The following ZNF142 variants were observed in gnomAD, a reference collection of about 807,000 sequenced individuals.
ZNF142 encodes the protein zinc finger protein 142 (clone pHZ-49).
A neutral mutation model predicts 132.1 loss-of-function variants in ZNF142; 96 were observed. The ratio of observed to expected loss-of-function variants is 0.73; its 90% CI spans 0.62 to 0.86. ZNF142 has a LOEUF of 0.86. Among genes scored for constraint, ZNF142 ranks in the 40% least tolerant of loss-of-function variants. The pLI, the probability that ZNF142 is intolerant of heterozygous loss-of-function variation, is 0.00. For synonymous variants in ZNF142, 842 were observed against 890.1 expected (o/e 0.95, Z 0.96); for missense variants, 2,163 against 2,336.2 (o/e 0.93, Z 1.53).
rs1044870829 is a variant in ZNF142 at position 218,634,300 on chromosome 2, TG to T, written c.*4038del. On this transcript the variant is annotated 3_prime_UTR_variant, in exon 11 of 11. Coordinates refer to ENST00000411696, the MANE Select transcript of ZNF142 (RefSeq NM_001379659.1). The surrounding 1 kb of genome is among the most constrained non-coding windows in gnomAD (Gnocchi z 4.0). ...ATAAGTTCTCTAGTGATGGTAGGGTTGGGGAATGCTCAAGAAAATTGCTAGG... is the reference window on the plus strand; with the variant it reads ...ATAAGTTCTCTAGTGATGGTAGGGTTGGGAATGCTCAAGAAAATTGCTAGG... 18 of 1,571,652 alleles carry T rather than the reference TG, an allele frequency of 1.1e-5. No homozygotes were observed. The African/African-American group carries it at 2.4e-4, about 21-fold the overall frequency.
At chr2:218,650,244 GAAT>G (rs927646525) in intron 6 of ZNF142, 112 bp downstream of exon 6, 19 of 1,301,918 alleles carry the variant, frequency 1.5e-5, no homozygotes, top group Non-Finnish European at 1.7e-5. Flanking sequence ...AGGTAGAACA[GAAT>G]AAAAGGATCC....
At chr2:218,640,551 C>T in intron 10 of ZNF142, 113 bp downstream of exon 10, 1 of 898,928 alleles carries the variant, frequency 1.1e-6, no homozygotes, top group Non-Finnish European at 1.8e-6. Flanking sequence ...CTGTCTACTC[C>T]CAATGTGAAA....
In ZNF142 at chr2:218,656,396, T is replaced by G; in HGVS notation, c.34A>C (p.Ser12Arg). ...TDPLLDSQPA[S>R]STGEMDGLCP... is the part of the protein sequence containing the mutation. ...AGTCCATCCATCTCCCCGGTGCTAC[T>G]GGCTGGCTGTGAGTCCAAAAGGGGG... Residue 12 changes from serine (S) to arginine (R), a missense_variant, in exon 4 of 11, where the codon AGT (serine) becomes CGT (arginine). This residue lies in a region of ZNF142 where 195 missense variants were observed against 172.4 expected (regional missense o/e 1.13). Coordinates refer to ENST00000411696, the MANE Select transcript of ZNF142 (RefSeq NM_001379659.1). 3 of 1,446,166 alleles carry G rather than the reference T, an allele frequency of 2.1e-6. No individual in the cohort carries two copies. Among genetic ancestry groups the G allele is most frequent in the Non-Finnish European group, 2.8e-6 (3 of 1,088,140 alleles). 89.6% of individuals were successfully genotyped at this position (1,446,166 alleles called of 1,614,324 possible). A position where few individuals can be genotyped will look rare whatever the true frequency, so the allele number is the denominator to read the frequency against.
rs3770215 is a variant in ZNF142, at chr2:218,648,401, G to A, written c.1873+234C>T. ...GACAAGGGCTTAAGAGCGAGGCACA[G>A]CACCACAGTGGTTAGAGCACAGGCT... is the stretch of plus-strand genomic sequence containing the variant. On this transcript the variant is annotated intron_variant, in intron 7 of 10. Transcript: ENST00000411696. Among the ~76,000 whole-genome samples the A allele has an allele frequency of 2.0e-3, 306 of 152,358 alleles. 5 individuals carry two copies. In the East Asian group the frequency reaches 0.043, roughly 21 times the overall value.
chr2:218,636,711 T>C lies in ZNF142; in HGVS notation c.*1628A>G. 1 of 927,972 alleles carries C rather than the reference T, an allele frequency of 1.1e-6. No homozygotes were observed. The highest frequency in any genetic ancestry group is 2.4e-5 in the Admixed American group (1 of 42,256). 57.5% of individuals were successfully genotyped at this position (927,972 alleles called of 1,614,324 possible). Reference sequence around the variant, plus strand: ...GTGCATTCCTAGGCACAAAATTACCTCATTCTTCCTAACAAGCAATCTGGG... The same window carrying C: ...GTGCATTCCTAGGCACAAAATTACCCCATTCTTCCTAACAAGCAATCTGGG... On this transcript the variant is annotated 3_prime_UTR_variant, in exon 11 of 11. Transcript: ENST00000411696.
At chr2:218,645,921 C>T (rs1697689364) in intron 8 of ZNF142, among the ~76,000 whole-genome samples, 1 of 152,142 alleles carries the variant, frequency 6.6e-6, no homozygotes, top group Admixed American at 6.5e-5. Flanking sequence ...GCTACCATGC[C>T]CAGCTAATTT....
Position 218,634,347 on chromosome 2 carries a change from A to G in ZNF142, c.*3992T>C. ...CTAGGCTGAGAAATGCTATCAGTGGATATTACCAGCAGGTACCGTGCACCC... is the reference window on the plus strand; with the variant it reads ...CTAGGCTGAGAAATGCTATCAGTGGGTATTACCAGCAGGTACCGTGCACCC... On this transcript the variant is annotated 3_prime_UTR_variant, in exon 11 of 11. Transcript: ENST00000411696. The surrounding 1 kb of genome is among the most constrained non-coding windows in gnomAD (Gnocchi z 4.0). 1.9e-6 allele frequency: 3 copies of G among 1,573,160 alleles called. No individual in the cohort carries two copies. Among genetic ancestry groups the G allele is most frequent in the South Asian group, 1.2e-5 (1 of 85,246 alleles).
intron 8 of ZNF142, among the ~76,000 whole-genome samples, chr2:218,645,321 C>T (rs1437610717): frequency 6.6e-6 from 1 of 152,138 alleles, no homozygotes; most frequent in Non-Finnish European, 1.5e-5. Flanking sequence ...AGCTTCAGGG[C>T]CTGTGTTCTA....
chr2:218,636,799 C>G lies in ZNF142; in HGVS notation c.*1540G>C. 1 of 609,438 alleles carries G rather than the reference C, an allele frequency of 1.6e-6. No individual in the cohort carries two copies. The highest frequency in any genetic ancestry group is 1.6e-5 in the South Asian group (1 of 61,608). The allele number at this position is 609,438 out of a possible 1,614,324, so 37.8% of individuals were successfully genotyped here. A position where few individuals can be genotyped will look rare whatever the true frequency, so the allele number is the denominator to read the frequency against. On this transcript the variant is annotated 3_prime_UTR_variant, in exon 11 of 11. Coordinates refer to ENST00000411696, the MANE Select transcript of ZNF142 (RefSeq NM_001379659.1). ...CTTTGTTTTCATAAGCCTTTGGTAT[C>G]TTTCCTGCCCTTTTCCTTTGTGTAC...
intron 10 of ZNF142, among the ~76,000 whole-genome samples, chr2:218,640,061 CAAAA>C (rs35136548): frequency 0.065 from 2,835 of 43,678 alleles, 6 homozygotes; most frequent in African/African-American, 0.13. Flanking sequence ...GACTCTGTCT[CAAAA>C]AAAAAAAAAA....
At position 218,633,486 on chromosome 2, in the gene ZNF142, G is replaced by A; in HGVS notation, c.*4853C>T. 1 of 1,202,232 alleles carries A rather than the reference G, an allele frequency of 8.3e-7. No individual in the cohort carries two copies. Among genetic ancestry groups the A allele is most frequent in the African/African-American group, 1.5e-5 (1 of 66,846 alleles). 74.5% of individuals were successfully genotyped at this position (1,202,232 alleles called of 1,614,324 possible). ...TCCCTTCTCTTGTCCCGGCAGGTGA[G>A]GCAGGAGGGAGAATACAGTGGGGAG... On this transcript the variant is annotated 3_prime_UTR_variant, in exon 11 of 11. Transcript: ENST00000411696.
At chr2:218,651,611 C>G in intron 5 of ZNF142, 90 bp downstream of exon 5, 22 of 1,187,018 alleles carry the variant, frequency 1.9e-5, no homozygotes, top group Non-Finnish European at 2.3e-5. Flanking sequence ...TATTCATGTA[C>G]ATTCATGGCC....
chr2:218,648,633 A>G lies in ZNF142; in HGVS notation c.1873+2T>C. 6.2e-7 allele frequency: 1 copy of G among 1,611,470 alleles called. No individual in the cohort carries two copies. Among genetic ancestry groups the G allele is most frequent in the South Asian group, 1.1e-5 (1 of 91,018 alleles). ...TTATTTTAAGGATGGAAACCATCCT[A>G]CCCGTATGTAGAAGCATGTGTCGGA... On this transcript the variant is annotated splice_donor_variant, in intron 7 of 10. Coordinates refer to ENST00000411696, the MANE Select transcript of ZNF142 (RefSeq NM_001379659.1). LOFTEE classifies it high-confidence loss of function.
At chr2:218,641,445 A>C (rs894658263) in intron 9 of ZNF142, among the ~76,000 whole-genome samples, 6 of 147,074 alleles carry the variant, frequency 4.1e-5, no homozygotes, top group East Asian at 4.1e-4. Context: ...GGGGTTTCAC[A>C]GTGTTAGCCA....
intron 10 of ZNF142, among the ~76,000 whole-genome samples, chr2:218,639,951 G>A (rs2106191575): frequency 6.7e-6 from 1 of 148,840 alleles, no homozygotes; most frequent in African/African-American, 2.5e-5. Context: ...AGCTACTCGG[G>A]AGGCTAAGGC....
At position 218,656,376 on chromosome 2, in the gene ZNF142, A is replaced by T; in HGVS notation, c.54T>A (p.Asp18Glu). 1.3e-6 allele frequency: 2 copies of T among 1,495,106 alleles called. No homozygotes were observed. Among genetic ancestry groups the T allele is most frequent in the Non-Finnish European group, 1.8e-6 (2 of 1,110,520 alleles). The allele number at this position is 1,495,106 out of a possible 1,614,324, so 92.6% of individuals were successfully genotyped here. ...TCAGCAATAGCTCAGGGCACAGTCC[A>T]TCCATCTCCCCGGTGCTACTGGCTG... ...SQPASSTGEM[D>E]GLCPELLLIP... Residue 18 changes from aspartate (D) to glutamate (E), a missense_variant, in exon 4 of 11, where the codon GAT becomes GAA. Asp to Glu is a conservative substitution (Grantham distance 45). This residue lies in a region of ZNF142 where 195 missense variants were observed against 172.4 expected (regional missense o/e 1.13). Transcript: ENST00000411696.
intron 9 of ZNF142, among the ~76,000 whole-genome samples, chr2:218,640,985 A>G (rs1376879318): frequency 6.8e-6 from 1 of 147,360 alleles, no homozygotes; most frequent in Non-Finnish European, 1.5e-5. Flanking sequence ...CCCAGGCTGG[A>G]GTGAACTGGT....
At chr2:218,641,243 ATTT>A (rs71276228) in intron 9 of ZNF142, among the ~76,000 whole-genome samples, 10 of 103,896 alleles carry the variant, frequency 9.6e-5, no homozygotes, top group Non-Finnish European at 7.9e-5. Flanking sequence ...CTGGCCGATA[ATTT>A]TTTTTTTTTT....
At position 218,638,725 on chromosome 2, in the gene ZNF142, G is replaced by A. The variant is rs764570724; in HGVS notation, c.5278C>T (p.Arg1760Ter). Reference protein sequence around the residue: ...ALRVHQETRHREARAFMCEQC... With the variant: ...ALRVHQETRH The stretch of plus-strand genomic sequence containing the variant: ...TCACACATGAAAGCCCGTGCTTCTC[G>A]ATGCCGGGTCTCCTGGTGCACACGC... The change falls in exon 11 of 11, where the codon CGA becomes TGA. Residue 1760 changes from arginine to a stop codon, truncating the protein, a stop_gained. Coordinates refer to ENST00000411696, the MANE Select transcript of ZNF142 (RefSeq NM_001379659.1). LOFTEE classifies it high-confidence loss of function. 1.2e-5 allele frequency: 19 copies of A among 1,613,590 alleles called. No homozygotes were observed. Among genetic ancestry groups the A allele is most frequent in the Non-Finnish European group, 1.5e-5 (18 of 1,180,042 alleles).
Sources: allele counts gnomAD v4.1 joint callset (sites outside exome capture counted in the v4.1 genomes callset), GRCh38; gene constraint gnomAD v4.1.1; regional missense constraint gnomAD v4.1.1; non-coding constraint Gnocchi (gnomAD v3.1); transcripts MANE v1.5; gene names NCBI Gene and HGNC (gene_info 2026-07-23, HGNC 2026-07-21).